The following ZMYM2 variants were observed in gnomAD, a reference collection of about 807,000 sequenced individuals.
ZMYM2 encodes the protein zinc finger MYM-type protein 2.
In ZMYM2, 56 loss-of-function variants were observed where a neutral mutation model predicts 162.8. The ratio of observed to expected loss-of-function variants is 0.34; its 90% CI spans 0.28 to 0.43. The LOEUF (loss-of-function observed/expected upper bound fraction) is 0.43. Among genes scored for constraint, ZMYM2 ranks in the 20% least tolerant of loss-of-function variants. ZMYM2 has a pLI of 1.00. For missense variants in ZMYM2, 1,275 were observed against 1,621.8 expected, an observed-to-expected ratio of 0.79 and a Z score of 3.67; for synonymous variants, 510 against 541.6, an observed-to-expected ratio of 0.94 and a Z score of 0.81.
the ZMYM2 span, among the ~76,000 whole-genome samples, chr13:19,897,614 T>C: frequency 1.3e-5 from 2 of 150,918 alleles, no homozygotes; most frequent in South Asian, 2.1e-4. Context: ...ATATATTTCA[T>C]GCAAACAAGA....
At chr13:19,959,271 G>GCGCCC (rs1489673020) in intron 1 of ZMYM2, among the ~76,000 whole-genome samples, 1 of 151,718 alleles carries the variant, frequency 6.6e-6, no homozygotes, top group Non-Finnish European at 1.5e-5. Flanking sequence ...CGGGGGAGGG[G>GCGCCC]CGCCCCGGCT....
At chr13:19,974,164 T>C (rs1329174985) in intron 2 of ZMYM2, among the ~76,000 whole-genome samples, 1 of 151,986 alleles carries the variant, frequency 6.6e-6, no homozygotes, top group Non-Finnish European at 1.5e-5. Flanking sequence ...GAAGGAAAAC[T>C]CACTCTTCTT....
At chr13:19,996,367 G>A (rs925266436) in intron 3 of ZMYM2, among the ~76,000 whole-genome samples, 3 of 152,060 alleles carry the variant, frequency 2.0e-5, no homozygotes, top group African/African-American at 7.2e-5. Context: ...GATCACTTGA[G>A]CTCAGGAGTT....
chr13:20,055,603 T>G (rs1014636589), intron 14 of ZMYM2, among the ~76,000 whole-genome samples: 3 of 152,220 alleles, frequency 2.0e-5, no homozygotes, highest in African/African-American at 7.2e-5. Context: ...TTAGAAAAGT[T>G]TCATTTAGGC....
At chr13:19,954,126 A>AATTTTTTTTTTTTTTTTTT (rs1954471628), upstream of ZMYM2, among the ~76,000 whole-genome samples, 1 of 64,880 alleles carries the variant, frequency 1.5e-5, no homozygotes, top group Non-Finnish European at 3.0e-5. Flanking sequence ...GCTATGTTTA[A>AATTTTTTTTTTTTTTTTTT]TTTTTTTTTT....
chr13:19,977,573 A>G (rs1956901311), intron 2 of ZMYM2, among the ~76,000 whole-genome samples: 1 of 151,066 alleles, frequency 6.6e-6, no homozygotes, highest in Non-Finnish European at 1.5e-5. Flanking sequence ...GCTCACTGCA[A>G]GCCCTGCCTC....
At chr13:19,967,945 C>T (rs142113692) in intron 2 of ZMYM2, among the ~76,000 whole-genome samples, 1 of 152,182 alleles carries the variant, frequency 6.6e-6, no homozygotes, top group African/African-American at 2.4e-5. Context: ...CTTCCCTCTT[C>T]TGGCTTTTTC....
intron 2 of ZMYM2, among the ~76,000 whole-genome samples, chr13:19,979,034 T>C (rs957002678): frequency 4.0e-5 from 6 of 150,044 alleles, no homozygotes; most frequent in Non-Finnish European, 7.4e-5. Context: ...CAGATTTTTT[T>C]CCCCCCTCTT....
At chr13:19,971,044 A>G (rs1765104003) in intron 2 of ZMYM2, among the ~76,000 whole-genome samples, 1 of 151,948 alleles carries the variant, frequency 6.6e-6, no homozygotes. Context: ...AGTTTAGCTG[A>G]AGCTTAATGA....
At chr13:19,992,677 A>ATT (rs547964381) in intron 2 of ZMYM2, among the ~76,000 whole-genome samples, 1 of 146,518 alleles carries the variant, frequency 6.8e-6, no homozygotes, top group African/African-American at 2.5e-5. Flanking sequence ...TCAGATTTTG[A>ATT]TTTTTTTTTT....
chr13:19,867,687 G>A, the ZMYM2 span, among the ~76,000 whole-genome samples: 4 of 151,810 alleles, frequency 2.6e-5, no homozygotes, highest in Non-Finnish European at 2.9e-5. Context: ...GTGCAGTGGC[G>A]CAGTCTTGGA....
the ZMYM2 span, among the ~76,000 whole-genome samples, chr13:19,917,130 T>G: frequency 6.6e-6 from 1 of 151,830 alleles, no homozygotes; most frequent in African/African-American, 2.4e-5. Flanking sequence ...GCCCGGCTAA[T>G]TTTTTGTATT....
In ZMYM2 at chr13:20,076,246, C is replaced by T. The variant is rs138833915; in HGVS notation, c.3454-5770C>T. Among the ~76,000 whole-genome samples the T allele has an allele frequency of 2.0e-5, 3 of 150,260 alleles. 1 individual carries two copies. Among genetic ancestry groups the T allele is most frequent in the African/African-American group, 7.6e-5 (3 of 39,616 alleles). ...ATCACAATTAATTTAGTAATTTCCA[C>T]AATGATGAGCATTCTCTTTGTTTTA... On this transcript the variant is annotated intron_variant, in intron 21 of 24. Transcript: ENST00000610343.
chr13:20,085,329 G>A (rs1172316808), intron 24 of ZMYM2, among the ~76,000 whole-genome samples: 1 of 152,170 alleles, frequency 6.6e-6, no homozygotes, highest in Non-Finnish European at 1.5e-5. Flanking sequence ...AGGGTCTTCA[G>A]TTGGTAGTAA....
intron 15 of ZMYM2, 79 bp downstream of exon 15, chr13:20,058,783 C>A: frequency 6.5e-7 from 1 of 1,543,734 alleles, no homozygotes; most frequent in Non-Finnish European, 8.9e-7. Context: ...TCTTGAATGA[C>A]ACCTCCAGGA....
chr13:19,947,648 G>C, the ZMYM2 span, among the ~76,000 whole-genome samples: 2 of 129,036 alleles, frequency 1.5e-5, no homozygotes, highest in East Asian at 2.5e-4. Flanking sequence ...TAGTAGAGAC[G>C]GGGTTTCACC....
At chr13:19,908,178 C>T in the ZMYM2 span, among the ~76,000 whole-genome samples, 2 of 151,866 alleles carry the variant, frequency 1.3e-5, no homozygotes, top group Non-Finnish European at 2.9e-5. Context: ...TTCCCAGCTA[C>T]TCAAGAGGCT....
chr13:20,020,105 CTAT>C, intron 7 of ZMYM2: 1 of 153,966 alleles, frequency 6.5e-6, no homozygotes, highest in Admixed American at 6.4e-5. Flanking sequence ...CATCAGTAAA[CTAT>C]TATTGTCAGG....
the ZMYM2 span, among the ~76,000 whole-genome samples, chr13:19,885,019 A>T: frequency 6.6e-6 from 1 of 152,124 alleles, no homozygotes; most frequent in East Asian, 1.9e-4. Context: ...GCTGATTGGT[A>T]TATTTATAAT....
Sources: gnomAD v4.1 joint callset for allele counts (sites outside exome capture counted in the v4.1 genomes callset) on GRCh38, gnomAD v4.1.1 for gene constraint, MANE v1.5 for transcripts, NCBI Gene and HGNC (gene_info 2026-07-23, HGNC 2026-07-21) for gene names.